Variants in TASP1 observed in about 807,000 individuals in gnomAD.
TASP1 encodes threonine aspartase 1.
TASP1 carries 16 observed loss-of-function variants against 56.6 expected under a neutral mutation model. The observed-to-expected ratio is 0.28, with a 90% CI of 0.19 to 0.43. The LOEUF (loss-of-function observed/expected upper bound fraction) is 0.43, where lower values mean the gene tolerates loss of function less well. TASP1 is among the 20% of genes least tolerant of loss of function. The pLI is 1.00. For missense variants in TASP1, 393 were observed against 511.6 expected, an observed-to-expected ratio of 0.77 and a Z score of 2.24; for synonymous variants, 179 against 184.2, an observed-to-expected ratio of 0.97 and a Z score of 0.23.
intron 4 of TASP1, chr20:13,614,663 T>A (rs903344339): frequency 5.7e-6 from 2 of 353,128 alleles, no homozygotes; most frequent in African/African-American, 4.3e-5. Flanking sequence ...AAAAATGACA[T>A]CACAACAGTT....
the TASP1 span, among the ~76,000 whole-genome samples, chr20:13,359,102 C>A: frequency 5.4e-5 from 8 of 147,798 alleles, no homozygotes; most frequent in Admixed American, 5.4e-4. Context: ...ATCTCTGCAC[C>A]CCAATCGCTT....
chr20:13,377,533 T>G, the TASP1 span, among the ~76,000 whole-genome samples: 1 of 152,252 alleles, frequency 6.6e-6, no homozygotes, highest in African/African-American at 2.4e-5. Context: ...ACTGAAATTT[T>G]CTTTTTTTGT....
At chr20:13,267,402 C>T in the TASP1 span, among the ~76,000 whole-genome samples, 26 of 152,322 alleles carry the variant, frequency 1.7e-4, no homozygotes, top group East Asian at 3.9e-4. Context: ...TGACTATTCC[C>T]GGCAGAGGTA....
At chr20:13,531,786 C>T (rs1373394997) in intron 9 of TASP1, among the ~76,000 whole-genome samples, 1 of 152,114 alleles carries the variant, frequency 6.6e-6, no homozygotes, top group Non-Finnish European at 1.5e-5. Context: ...GCCTTATCCC[C>T]CCCAACTGGC....
Position 13,613,919 on chromosome 20 carries a change from A to G in TASP1, c.282+9527T>C, listed in dbSNP as rs1476397393. On this transcript the variant is annotated intron_variant, in intron 4 of 13. Coordinates refer to ENST00000337743, the MANE Select transcript of TASP1 (RefSeq NM_017714.3). ...CAATTATCTTAAAAAAAAGTTCCTA[A>G]GGAAACAAAAAACTTTCCATTTTTG... is the stretch of plus-strand genomic sequence containing the variant. Among the ~76,000 whole-genome samples the G allele has an allele frequency of 4.6e-5, 7 of 152,302 alleles. No individual in the cohort carries two copies. In the East Asian group the frequency reaches 1.2e-3, roughly 25 times the overall value.
the TASP1 span, among the ~76,000 whole-genome samples, chr20:13,361,801 C>T: frequency 6.6e-6 from 1 of 152,098 alleles, no homozygotes; most frequent in South Asian, 2.1e-4. Flanking sequence ...TCTCCTGGTG[C>T]TATCCCCAAA....
intron 8 of TASP1, among the ~76,000 whole-genome samples, chr20:13,537,562 A>G (rs1474211379): frequency 2.0e-5 from 3 of 152,204 alleles, no homozygotes; most frequent in Non-Finnish European, 2.9e-5. Context: ...GTTACTATAT[A>G]GAGCTACTAT....
At chr20:13,382,720 G>A in the TASP1 span, among the ~76,000 whole-genome samples, 1 of 152,116 alleles carries the variant, frequency 6.6e-6, no homozygotes, top group Non-Finnish European at 1.5e-5. Flanking sequence ...TTCTGTGTAT[G>A]GCATGAGATA....
At chr20:13,555,382 T>TAAAAAA (rs59279659) in intron 8 of TASP1, among the ~76,000 whole-genome samples, 1 of 99,352 alleles carries the variant, frequency 1.0e-5, no homozygotes, top group African/African-American at 3.9e-5. Flanking sequence ...AGACTCCCTC[T>TAAAAAA]AAAAAAAAAA....
At chr20:13,471,325 C>T (rs1006099013) in intron 11 of TASP1, among the ~76,000 whole-genome samples, 2 of 152,096 alleles carry the variant, frequency 1.3e-5, no homozygotes, top group African/African-American at 2.4e-5. Context: ...AAGTCTAGTC[C>T]CACATACGGC....
chr20:13,305,593 C>G, the TASP1 span, among the ~76,000 whole-genome samples: 1 of 152,148 alleles, frequency 6.6e-6, no homozygotes, highest in African/African-American at 2.4e-5. Flanking sequence ...TCAGTAATTA[C>G]TGGGTGGGTA....
At chr20:13,585,565 T>C (rs1055102248) in intron 5 of TASP1, among the ~76,000 whole-genome samples, 15 of 152,104 alleles carry the variant, frequency 9.9e-5, no homozygotes, top group Non-Finnish European at 2.9e-5. Context: ...GCTATCTAAA[T>C]GGTCAAAAAG....
At chr20:13,436,404 C>T (rs373774583) in intron 11 of TASP1, among the ~76,000 whole-genome samples, 1 of 151,508 alleles carries the variant, frequency 6.6e-6, no homozygotes, top group Non-Finnish European at 1.5e-5. Context: ...CCACAGAGAC[C>T]GTGACACAGG....
intron 10 of TASP1, among the ~76,000 whole-genome samples, chr20:13,513,288 G>A (rs901728297): frequency 2.0e-5 from 3 of 152,080 alleles, no homozygotes; most frequent in Non-Finnish European, 2.9e-5. Context: ...TCCTCAAGGA[G>A]CTCCTAGGCT....
At chr20:13,330,456 G>A in the TASP1 span, among the ~76,000 whole-genome samples, 5 of 120,314 alleles carry the variant, frequency 4.2e-5, no homozygotes, top group South Asian at 2.3e-4. Flanking sequence ...CTATATTTAT[G>A]AGAGATATTA....
chr20:13,263,433 G>A, the TASP1 span, among the ~76,000 whole-genome samples: 5 of 152,158 alleles, frequency 3.3e-5, no homozygotes, highest in Admixed American at 1.3e-4. Context: ...CGATTTTATG[G>A]TCTAAAACTC....
rs115991810 is a variant in TASP1, at chr20:13,498,945, C to A, written c.875-15608G>T. ...ACTAAAAACAAAACTACCACATGAC[C>A]CAGCAATCCCATTACCAAGTATATA... On this transcript the variant is annotated intron_variant, in intron 10 of 13. Coordinates refer to ENST00000337743, the MANE Select transcript of TASP1 (RefSeq NM_017714.3). Among the ~76,000 whole-genome samples, 1,048 of 152,074 alleles carry A rather than the reference C, an allele frequency of 6.9e-3. 10 individuals are homozygous for A. Among genetic ancestry groups the A allele is most frequent in the African/African-American group, 0.024 (986 of 41,464 alleles).
At chr20:13,260,293 A>T in the TASP1 span, among the ~76,000 whole-genome samples, 1 of 152,212 alleles carries the variant, frequency 6.6e-6, no homozygotes, top group Non-Finnish European at 1.5e-5. Flanking sequence ...TAGCACACAG[A>T]GCTGTACAGG....
At chr20:13,402,173 A>G (rs1325188992) in intron 13 of TASP1, among the ~76,000 whole-genome samples, 1 of 152,226 alleles carries the variant, frequency 6.6e-6, no homozygotes, top group East Asian at 1.9e-4. Flanking sequence ...TTAACAACAC[A>G]GTAAATTCCC....
Sources: gnomAD v4.1 joint callset for allele counts (sites outside exome capture counted in the v4.1 genomes callset) on GRCh38, gnomAD v4.1.1 for gene constraint, MANE v1.5 for transcripts, NCBI Gene and HGNC (gene_info 2026-07-23, HGNC 2026-07-21) for gene names.